Variants in WDR7 observed in about 807,000 individuals in gnomAD.
WDR7 encodes the protein WD repeat-containing protein 7.
Under a neutral mutation model 169.4 loss-of-function variants are expected in WDR7, and 46 were observed. The ratio of observed to expected loss-of-function variants is 0.27; its 90% CI spans 0.21 to 0.35. The LOEUF is 0.35. Ranked by LOEUF, WDR7 falls within the 10% of genes least tolerant of loss-of-function variation. The pLI, the probability that WDR7 is intolerant of heterozygous loss-of-function variation, is 1.00. For missense variants in WDR7, 1,534 were observed against 1,859.3 expected (o/e 0.83, Z 3.22); for synonymous variants, 612 against 666.8 (o/e 0.92, Z 1.27).
At chr18:56,814,993 A>T (rs1221333757) in intron 19 of WDR7, among the ~76,000 whole-genome samples, 3 of 152,052 alleles carry the variant, frequency 2.0e-5, no homozygotes, top group Non-Finnish European at 4.4e-5. Context: ...CCATTTCTGG[A>T]TCTGTTACGG....
intron 26 of WDR7, among the ~76,000 whole-genome samples, chr18:56,995,856 G>C (rs1445306485): frequency 1.3e-5 from 2 of 152,152 alleles, no homozygotes; most frequent in Non-Finnish European, 2.9e-5. Flanking sequence ...CCTTTCCCAA[G>C]GCATTGTCAT....
intron 27 of WDR7, among the ~76,000 whole-genome samples, chr18:57,022,002 C>T (rs1206615174): frequency 1.3e-5 from 2 of 152,160 alleles, no homozygotes; most frequent in Non-Finnish European, 2.9e-5. Flanking sequence ...TTTAGTTTTC[C>T]AGTTTATTTT....
chr18:56,833,253 A>G (rs1304568756), intron 20 of WDR7, among the ~76,000 whole-genome samples: 1 of 151,974 alleles, frequency 6.6e-6, no homozygotes, highest in African/African-American at 2.4e-5. Flanking sequence ...TTGAAGATCA[A>G]CTTAATGAAA....
chr18:56,711,013 A>G (rs2026074241), intron 12 of WDR7, among the ~76,000 whole-genome samples: 1 of 150,432 alleles, frequency 6.6e-6, no homozygotes, highest in Admixed American at 6.6e-5. Context: ...TTCTAAAAGG[A>G]TTTTAGTTTT....
At chr18:56,782,668 G>A (rs2044336801) in intron 19 of WDR7, among the ~76,000 whole-genome samples, 2 of 152,056 alleles carry the variant, frequency 1.3e-5, no homozygotes, top group South Asian at 4.2e-4. Flanking sequence ...TCTTTGTAAT[G>A]AAATACTCAT....
At chr18:57,013,000 G>C (rs929249244) in intron 26 of WDR7, among the ~76,000 whole-genome samples, 4 of 152,190 alleles carry the variant, frequency 2.6e-5, no homozygotes, top group African/African-American at 9.7e-5. Flanking sequence ...TGCCTTCTTA[G>C]TATGCTTTTT....
intron 13 of WDR7, chr18:56,721,389 G>A (rs1190659895): frequency 7.9e-5 from 12 of 152,150 alleles, no homozygotes; most frequent in Admixed American, 7.2e-4. Flanking sequence ...AATACAAAAT[G>A]TAGAGAGCTG....
intron 1 of WDR7, among the ~76,000 whole-genome samples, chr18:56,670,668 G>A (rs1232490307): frequency 2.0e-5 from 3 of 151,970 alleles, no homozygotes; most frequent in South Asian, 2.1e-4. Context: ...CCACCACCTC[G>A]CCTGGCTAAT....
chr18:56,974,689 A>G (rs999535139), intron 26 of WDR7, among the ~76,000 whole-genome samples: 1 of 152,204 alleles, frequency 6.6e-6, no homozygotes, highest in East Asian at 1.9e-4. Context: ...GAGTCAGTAA[A>G]GTGAAAGTCA....
intron 27 of WDR7, among the ~76,000 whole-genome samples, chr18:57,026,449 C>T (rs542128043): frequency 6.6e-6 from 1 of 152,224 alleles, no homozygotes; most frequent in East Asian, 1.9e-4. Flanking sequence ...TTCCAGAAAG[C>T]GAGTTTTTAA....
chr18:57,020,889 G>A (rs768175598), intron 27 of WDR7, 40 bp downstream of exon 27: 27 of 1,564,930 alleles, frequency 1.7e-5, no homozygotes, highest in East Asian at 4.5e-5. Context: ...CATATACTGC[G>A]TGATATGCCT....
At chr18:56,874,776 G>C (rs373188066) in intron 20 of WDR7, among the ~76,000 whole-genome samples, 1 of 151,994 alleles carries the variant, frequency 6.6e-6, no homozygotes, top group South Asian at 2.1e-4. Flanking sequence ...TTTAAAAAAA[G>C]AAAAAGAATA....
At chr18:56,874,390 T>C (rs1356252874) in intron 20 of WDR7, among the ~76,000 whole-genome samples, 1 of 152,174 alleles carries the variant, frequency 6.6e-6, no homozygotes, top group Non-Finnish European at 1.5e-5. Context: ...CTGCTAATAC[T>C]TTTTACTGAC....
At chr18:56,913,539 C>T (rs566783525) in intron 21 of WDR7, among the ~76,000 whole-genome samples, 1 of 151,044 alleles carries the variant, frequency 6.6e-6, no homozygotes, top group African/African-American at 2.4e-5. Context: ...GTAATCTGAG[C>T]ACTTTGGGAG....
rs1599247852 is a variant in WDR7 at position 57,014,561 on chromosome 18, G to A, written c.4165-6184G>A. Among the ~76,000 whole-genome samples, 3 of 152,098 alleles carry A rather than the reference G, an allele frequency of 2.0e-5. No homozygotes were observed. The East Asian group carries it at 5.8e-4, about 29-fold the overall frequency. ...AATCCCAGCTACTCAGGAGGCTGAG[G>A]CAGGAGAATCACTTGAACCTGAGAT... is the stretch of plus-strand genomic sequence containing the variant. On this transcript the variant is annotated intron_variant, in intron 26 of 27. Transcript: ENST00000254442.
At chr18:56,915,040 ATCTT>A (rs964626084) in intron 21 of WDR7, among the ~76,000 whole-genome samples, 1 of 152,218 alleles carries the variant, frequency 6.6e-6, no homozygotes, top group African/African-American at 2.4e-5. Flanking sequence ...ATTTTAAAAT[ATCTT>A]TATTAAATTA....
At chr18:56,944,199 G>T (rs2047071577) in intron 25 of WDR7, among the ~76,000 whole-genome samples, 1 of 151,662 alleles carries the variant, frequency 6.6e-6, no homozygotes, top group Non-Finnish European at 1.5e-5. Context: ...TCACCATGTT[G>T]GCCAGGATGG....
In WDR7 at chr18:56,757,516, C is replaced by T. The variant is rs147769786; in HGVS notation, c.2759+164C>T. Reference sequence around the variant, plus strand: ...TTTAAAACACCAGTTTCAAAATGCCCGATTAAAACATAATAAAATTAAACA... The same window carrying T: ...TTTAAAACACCAGTTTCAAAATGCCTGATTAAAACATAATAAAATTAAACA... On this transcript the variant is annotated intron_variant, in intron 15 of 27. Transcript: ENST00000254442. 6.8e-3 allele frequency among the ~76,000 whole-genome samples: 1,035 copies of T among 151,914 alleles called. 7 individuals carry two copies. Among genetic ancestry groups the T allele is most frequent in the Non-Finnish European group, 0.011 (763 of 67,984 alleles).
chr18:56,933,556 G>A (rs1347642170), intron 22 of WDR7, among the ~76,000 whole-genome samples: 1 of 152,196 alleles, frequency 6.6e-6, no homozygotes, highest in Non-Finnish European at 1.5e-5. Context: ...TGAAAGCTAA[G>A]TATTATAACA....
Sources: gnomAD v4.1 joint callset for allele counts (sites outside exome capture counted in the v4.1 genomes callset) on GRCh38, gnomAD v4.1.1 for gene constraint, MANE v1.5 for transcripts, NCBI Gene and HGNC (gene_info 2026-07-23, HGNC 2026-07-21) for gene names.